WDR41: variants seen among roughly 807,000 people sequenced by gnomAD.
The protein encoded by WDR41 is WD repeat domain 41.
A neutral mutation model predicts 69.3 loss-of-function variants in WDR41; 63 were observed. The ratio of observed to expected loss-of-function variants is 0.91; its 90% CI spans 0.74 to 1.12. The LOEUF (loss-of-function observed/expected upper bound fraction) is 1.12, where lower values mean the gene tolerates loss of function less well. WDR41 is among the 50% of genes most tolerant of loss of function. The probability of loss-of-function intolerance (pLI) is 0.00; values close to 1 mark genes in which losing one functional copy is unlikely to be tolerated. For missense variants in WDR41, 543 were observed against 534.5 expected, an observed-to-expected ratio of 1.02 and a Z score of -0.16; for synonymous variants, 185 against 192.1, an observed-to-expected ratio of 0.96 and a Z score of 0.31.
intron 1 of WDR41, among the ~76,000 whole-genome samples, chr5:77,568,477 A>G (rs922940936): frequency 1.3e-5 from 2 of 152,148 alleles, no homozygotes; most frequent in Admixed American, 6.6e-5. Flanking sequence ...GCTGGGAATG[A>G]AATTGCTTGT....
At position 77,551,614 on chromosome 5, in the gene WDR41, G is replaced by A. The variant is rs191954456; in HGVS notation, c.43-62042C>T. 1.8e-3 allele frequency among the ~76,000 whole-genome samples: 281 copies of A among 152,134 alleles called. 3 individuals carry two copies. Among genetic ancestry groups the A allele is most frequent in the African/African-American group, 6.5e-3 (271 of 41,470 alleles). ...AATTGCTTGAACCCAGGAGGTAGAG[G>A]CTGAAGTGAGCTGAGATTGCACCAC... is the stretch of plus-strand genomic sequence containing the variant. On this transcript the variant is annotated intron_variant, in intron 1 of 5. Transcript: ENST00000509971.
chr5:77,607,523 C>G (rs1489010257), intron 1 of WDR41, among the ~76,000 whole-genome samples: 1 of 152,216 alleles, frequency 6.6e-6, no homozygotes, highest in Non-Finnish European at 1.5e-5. Context: ...TCTGCCAGGT[C>G]TACTGCTACT....
chr5:77,514,432 T>G (rs923694979), intron 1 of WDR41, among the ~76,000 whole-genome samples: 1 of 152,208 alleles, frequency 6.6e-6, no homozygotes, highest in Non-Finnish European at 1.5e-5. Flanking sequence ...CCTTGTTATT[T>G]GCTTTTACAG....
intron 1 of WDR41, among the ~76,000 whole-genome samples, chr5:77,605,127 C>A (rs1384059078): frequency 1.3e-5 from 2 of 152,236 alleles, no homozygotes; most frequent in East Asian, 3.9e-4. Flanking sequence ...CTTTTACCTC[C>A]TAATGAGCTG....
At chr5:77,557,063 C>T (rs1040393140) in intron 1 of WDR41, among the ~76,000 whole-genome samples, 8 of 152,004 alleles carry the variant, frequency 5.3e-5, no homozygotes, top group African/African-American at 1.9e-4. Context: ...CCCTTTTACA[C>T]ACATAAACAA....
At chr5:77,609,596 CCTGT>C (rs1561238828) in intron 1 of WDR41, among the ~76,000 whole-genome samples, 1 of 152,226 alleles carries the variant, frequency 6.6e-6, no homozygotes, top group Admixed American at 6.5e-5. Context: ...AGCTGACAGT[CCTGT>C]CTGTTAGAAG....
intron 1 of WDR41, among the ~76,000 whole-genome samples, chr5:77,514,257 T>C (rs1802258919): frequency 6.6e-6 from 1 of 152,186 alleles, no homozygotes; most frequent in African/African-American, 2.4e-5. Context: ...TTCATTTTTG[T>C]GCTACGTGTT....
At chr5:77,506,680 A>G (rs1323958489) in intron 1 of WDR41, among the ~76,000 whole-genome samples, 1 of 152,248 alleles carries the variant, frequency 6.6e-6, no homozygotes, top group Non-Finnish European at 1.5e-5. Flanking sequence ...AATGTGGCAC[A>G]TATACACCAT....
intron 4 of WDR41, among the ~76,000 whole-genome samples, 169 bp downstream of exon 4, chr5:77,462,926 A>G (rs1800134986): frequency 6.6e-6 from 1 of 152,200 alleles, no homozygotes; most frequent in Non-Finnish European, 1.5e-5. Flanking sequence ...TTTCCAGTCT[A>G]ATACTTTTCA....
intron 2 of WDR41, among the ~76,000 whole-genome samples, chr5:77,473,269 C>T (rs1800720621): frequency 6.6e-6 from 1 of 152,158 alleles, no homozygotes; most frequent in East Asian, 1.9e-4. Flanking sequence ...GGATCCCTTC[C>T]TTACACCTTC....
intron 1 of WDR41, among the ~76,000 whole-genome samples, chr5:77,578,864 C>CAAAAAAAA (rs55920763): frequency 3.1e-4 from 24 of 77,102 alleles, no homozygotes; most frequent in Non-Finnish European, 4.2e-4. Flanking sequence ...AACTCCATCT[C>CAAAAAAAA]AAAAAAAAAA....
At chr5:77,466,931 A>G (rs1226178900) in intron 2 of WDR41, among the ~76,000 whole-genome samples, 1 of 151,746 alleles carries the variant, frequency 6.6e-6, no homozygotes, top group Non-Finnish European at 1.5e-5. Context: ...AAAAACTAAT[A>G]AAGGGTTGAG....
At chr5:77,487,297 G>A (rs959507672) in intron 2 of WDR41, among the ~76,000 whole-genome samples, 2 of 152,020 alleles carry the variant, frequency 1.3e-5, no homozygotes, top group African/African-American at 2.4e-5. Flanking sequence ...AACTTACTAG[G>A]GTAAAATATA....
At chr5:77,455,790 G>A (rs988554372) in intron 5 of WDR41, among the ~76,000 whole-genome samples, 3 of 152,002 alleles carry the variant, frequency 2.0e-5, no homozygotes, top group African/African-American at 4.8e-5. Context: ...CCTTTAATTC[G>A]GTTCCATTGA....
intron 1 of WDR41, among the ~76,000 whole-genome samples, chr5:77,553,989 T>G (rs1434204307): frequency 1.3e-5 from 2 of 152,106 alleles, no homozygotes; most frequent in Non-Finnish European, 2.9e-5. Context: ...CCCAAATAAT[T>G]AATGGTTATA....
intron 1 of WDR41, among the ~76,000 whole-genome samples, chr5:77,558,306 T>C (rs1486867738): frequency 1.3e-5 from 2 of 152,170 alleles, no homozygotes; most frequent in African/African-American, 2.4e-5. Context: ...CTTTTCCTTG[T>C]GCATGAGTAA....
intron 9 of WDR41, among the ~76,000 whole-genome samples, chr5:77,439,571 G>A (rs1799079577): frequency 6.6e-6 from 1 of 152,166 alleles, no homozygotes; most frequent in South Asian, 2.1e-4. Context: ...TTTATCCAAG[G>A]TCAGGAAGAA....
rs757706849 is a variant in WDR41 at position 77,433,257 on chromosome 5, C to CTAGTCCATGATCTTCAAAGTA, written c.1237_1257dup (p.Tyr413_Leu419dup). ...ATGAGATGATCAGCGGAGCACGTCA[C>CTAGTCCATGATCTTCAAAGTA]TAGTCCATGATCTTCAAAGTATAGA... On this transcript the variant is annotated inframe_insertion, in exon 13 of 13. Coordinates refer to ENST00000296679, the MANE Select transcript of WDR41 (RefSeq NM_018268.4). 5.0e-6 allele frequency: 8 copies of CTAGTCCATGATCTTCAAAGTA among 1,613,762 alleles called. 1 individual carries two copies. The South Asian group carries it at 8.8e-5, about 18-fold the overall frequency.
chr5:77,490,208 C>A (rs1344788297), intron 1 of WDR41, among the ~76,000 whole-genome samples: 1 of 152,132 alleles, frequency 6.6e-6, no homozygotes, highest in South Asian at 2.1e-4. Context: ...AAGTGATTCG[C>A]CCGCCTCGGC....
Sources: gnomAD v4.1 joint callset for allele counts (sites outside exome capture counted in the v4.1 genomes callset) on GRCh38, gnomAD v4.1.1 for gene constraint, MANE v1.5 for transcripts, NCBI Gene and HGNC (gene_info 2026-07-23, HGNC 2026-07-21) for gene names.